LPA: variants seen among roughly 807,000 people sequenced by gnomAD.
The protein encoded by LPA is apolipoprotein(a).
In LPA, 199 loss-of-function variants were observed where a neutral mutation model predicts 197.9. The ratio of observed to expected loss-of-function variants is 1.01; its 90% CI spans 0.90 to 1.13. LPA has a LOEUF of 1.13. LPA is among the 50% of genes most tolerant of loss of function. The probability of loss-of-function intolerance (pLI) is 0.00; values close to 1 mark genes in which losing one functional copy is unlikely to be tolerated. For synonymous variants in LPA, 715 were observed against 639.5 expected (o/e 1.12, Z -1.78); for missense variants, 1,853 against 1,785.8 (o/e 1.04, Z -0.68).
intron 28 of LPA, among the ~76,000 whole-genome samples, chr6:160,569,468 T>C (rs191811413): frequency 6.0e-5 from 9 of 150,664 alleles, no homozygotes; most frequent in African/African-American, 2.2e-4. Flanking sequence ...TTACACCTTA[T>C]ATAAAAATTA....
At chr6:160,546,176 G>T (rs1307549310) in intron 32 of LPA, among the ~76,000 whole-genome samples, 1 of 152,166 alleles carries the variant, frequency 6.6e-6, no homozygotes, top group Non-Finnish European at 1.5e-5. Flanking sequence ...TGACTTGAGG[G>T]TTGGAACTGT....
Position 160,585,181 on chromosome 6 carries a change from A to G in LPA, c.4154T>C (p.Val1385Ala). 1 of 1,613,786 alleles carries G rather than the reference A, an allele frequency of 6.2e-7. No individual in the cohort carries two copies. Among genetic ancestry groups the G allele is most frequent in the Non-Finnish European group, 8.5e-7 (1 of 1,179,788 alleles). The change falls in exon 26 of 39, where the codon GTC (valine) becomes GCC (alanine). Residue 1385 changes from valine (V) to alanine (A), a missense_variant. By Grantham distance (64) the Val-to-Ala change is moderately conservative. This residue lies in a region of LPA where 1,737 missense variants were observed against 1,504.4 expected (regional missense o/e 1.15). Coordinates refer to ENST00000316300, the MANE Select transcript of LPA (RefSeq NM_005577.4). ...TCCATCACCTCGGTAGCAGTCCTGGACCCCAGTGCTGTTTTCAGTTGGTGC... is the reference window on the plus strand; with the variant it reads ...TCCATCACCTCGGTAGCAGTCCTGGGCCCCAGTGCTGTTTTCAGTTGGTGC... ...EEAPTENSTG[V>A]QDCYRGDGQS...
At chr6:160,586,938 T>C (rs771228012) in intron 24 of LPA, among the ~76,000 whole-genome samples, 1 of 152,226 alleles carries the variant, frequency 6.6e-6, no homozygotes, top group Non-Finnish European at 1.5e-5. Flanking sequence ...TACATTCCTT[T>C]GGATTAACCG....
chr6:160,653,948 TATTATATATA>T (rs1780052490), intron 1 of LPA, among the ~76,000 whole-genome samples: 2 of 53,300 alleles, frequency 3.8e-5, no homozygotes, highest in Non-Finnish European at 6.5e-5. Context: ...ATTTTATATA[TATTATATATA>T]ATATATATTA....
chr6:160,590,136 C>A (rs1406043930), intron 23 of LPA, among the ~76,000 whole-genome samples: 1 of 152,126 alleles, frequency 6.6e-6, no homozygotes, highest in Non-Finnish European at 1.5e-5. Context: ...TCCTCCAAAG[C>A]CAAAGCCTTA....
At chr6:160,608,719 T>C (rs1381098054) in intron 16 of LPA, among the ~76,000 whole-genome samples, 1 of 152,160 alleles carries the variant, frequency 6.6e-6, no homozygotes, top group African/African-American at 2.4e-5. Context: ...TCTCCCGTTC[T>C]CTTTTCTGTG....
chr6:160,567,741 C>T (rs1562324486), intron 28 of LPA, among the ~76,000 whole-genome samples: 1 of 151,886 alleles, frequency 6.6e-6, no homozygotes, highest in Non-Finnish European at 1.5e-5. Context: ...AATTGATAGA[C>T]CACTAGCAAG....
intron 28 of LPA, among the ~76,000 whole-genome samples, chr6:160,565,700 G>T (rs1172212481): frequency 6.6e-6 from 1 of 152,184 alleles, no homozygotes; most frequent in Non-Finnish European, 1.5e-5. Context: ...AGAGAAGAAG[G>T]CTTCAGACGA....
At chr6:160,559,357 G>A (rs192842218) in intron 28 of LPA, among the ~76,000 whole-genome samples, 127 of 152,304 alleles carry the variant, frequency 8.3e-4, no homozygotes, top group Admixed American at 1.8e-3. Flanking sequence ...AAGATACTCA[G>A]TGCTGAATAG....
At chr6:160,570,067 G>C (rs554658851) in intron 28 of LPA, among the ~76,000 whole-genome samples, 1 of 152,328 alleles carries the variant, frequency 6.6e-6, no homozygotes, top group South Asian at 2.1e-4. Flanking sequence ...CATTGTGGAA[G>C]ACAGTGCGGT....
In LPA at chr6:160,589,693, G is replaced by A. The variant is rs1276889507; in HGVS notation, c.3807C>T (p.Pro1269=). 6.2e-7 allele frequency: 1 copy of A among 1,613,866 alleles called. No individual in the cohort carries two copies. Among genetic ancestry groups the A allele is most frequent in the South Asian group, 1.1e-5 (1 of 91,082 alleles). The change falls in exon 24 of 39, where the codon CCC becomes CCT. Residue 1269 remains proline, a synonymous_variant. Coordinates refer to ENST00000316300, the MANE Select transcript of LPA (RefSeq NM_005577.4). ...VSEQAPTEQS[P]TVQDCYHGDG... is the part of the protein sequence containing the mutation. ...CACCATGGTAGCAGTCCTGGACTGT[G>A]GGGCTTTGCTCCGTTGGTGCTGAAA...
At chr6:160,601,232 GA>G in intron 18 of LPA, 134 bp from the exon 19 acceptor site, 1 of 749,998 alleles carries the variant, frequency 1.3e-6, no homozygotes, top group Non-Finnish European at 2.4e-6. Context: ...TTGCCACAAT[GA>G]CAAATGGCTC....
In LPA at chr6:160,540,235, A is replaced by G. The variant is rs774632732; in HGVS notation, c.5595-52T>C. 3.1e-6 allele frequency: 5 copies of G among 1,611,624 alleles called. No individual in the cohort carries two copies. In the Admixed American group the frequency reaches 8.3e-5, roughly 27 times the overall value. ...AAAATATGGTCCAGCCCCTTCAGGT[A>G]TCCTCTGTGCCATGAACTTGGCGCT... On this transcript the variant is annotated intron_variant, in intron 35 of 38. Transcript: ENST00000316300.
chr6:160,656,869 A>G (rs1780141725), intron 1 of LPA, among the ~76,000 whole-genome samples: 1 of 152,194 alleles, frequency 6.6e-6, no homozygotes, highest in Admixed American at 6.5e-5. Context: ...TTTTGTTTAT[A>G]TAAATCAAGT....
rs534148474 is a variant in LPA at position 160,647,862 on chromosome 6, T to C, written c.210-1467A>G. Among the ~76,000 whole-genome samples, 19 of 152,370 alleles carry C rather than the reference T, an allele frequency of 1.2e-4. 1 individual carries two copies. In the East Asian group the frequency reaches 3.1e-3, roughly 25 times the overall value. On this transcript the variant is annotated intron_variant, in intron 2 of 38. Coordinates refer to ENST00000316300, the MANE Select transcript of LPA (RefSeq NM_005577.4). ...TCTCATTTAAAAAGATATAAACGTTTGATCAAGAAAACATGTAGCATTTTC... is the reference window on the plus strand; with the variant it reads ...TCTCATTTAAAAAGATATAAACGTTCGATCAAGAAAACATGTAGCATTTTC...
intron 2 of LPA, among the ~76,000 whole-genome samples, chr6:160,647,678 C>A (rs763786993): frequency 1.3e-5 from 2 of 152,124 alleles, no homozygotes; most frequent in Non-Finnish European, 2.9e-5. Flanking sequence ...CACACATTAA[C>A]CTTTTATTAG....
Position 160,601,010 on chromosome 6 carries a change from A to C in LPA, c.3034T>G (p.Cys1012Gly). The part of the protein sequence containing the change: ...TTDPSVRWEY[C>G]NLTRCSDAEW... ...GCATCTGAGCATCGTGTCAGGTTGC[A>C]GTACTCCCACCTGACACTGGGATCT... Residue 1012 changes from cysteine to glycine, a missense_variant, in exon 19 of 39, where the codon TGC becomes GGC. This residue lies in a region of LPA where 1,737 missense variants were observed against 1,504.4 expected (regional missense o/e 1.15). Coordinates refer to ENST00000316300, the MANE Select transcript of LPA (RefSeq NM_005577.4). The C allele has an allele frequency of 6.2e-7, 1 of 1,614,130 alleles. No individual in the cohort carries two copies. The highest frequency in any genetic ancestry group is 8.5e-7 in the Non-Finnish European group (1 of 1,179,966).
At chr6:160,585,310 C>T (rs1453305024) in intron 25 of LPA, 105 bp from the exon 26 acceptor site, 15 of 1,055,586 alleles carry the variant, frequency 1.4e-5, no homozygotes, top group South Asian at 2.5e-5. Flanking sequence ...ACAATTTACA[C>T]TCTTCTATAT....
chr6:160,573,564 G>GGGA (rs1261065177), intron 28 of LPA, among the ~76,000 whole-genome samples: 26 of 152,318 alleles, frequency 1.7e-4, no homozygotes, highest in African/African-American at 6.0e-4. Flanking sequence ...CTGTGTCAGA[G>GGGA]GGAAGGTAGG....
Sources: allele counts gnomAD v4.1 joint callset (sites outside exome capture counted in the v4.1 genomes callset), GRCh38; gene constraint gnomAD v4.1.1; regional missense constraint gnomAD v4.1.1; transcripts MANE v1.5; gene names NCBI Gene and HGNC (gene_info 2026-07-23, HGNC 2026-07-21).